GBF1: variants seen among roughly 807,000 people sequenced by gnomAD.
GBF1 encodes the protein Golgi-specific brefeldin A-resistance guanine nucleotide exchange factor 1.
A neutral mutation model predicts 210.5 loss-of-function variants in GBF1; 114 were observed. The ratio of observed to expected loss-of-function variants is 0.54; its 90% CI spans 0.47 to 0.63. GBF1 has a LOEUF of 0.63. Ranked by LOEUF, GBF1 falls within the 30% of genes least tolerant of loss-of-function variation. GBF1 has a pLI of 0.00. For missense variants in GBF1, 1,851 were observed against 2,357.7 expected (o/e 0.79, Z 4.45); for synonymous variants, 850 against 889.2 (o/e 0.96, Z 0.78).
At chr10:102,278,086 A>G (rs1257055178) in intron 3 of GBF1, among the ~76,000 whole-genome samples, 2 of 151,966 alleles carry the variant, frequency 1.3e-5, no homozygotes, top group East Asian at 3.9e-4. Flanking sequence ...GTGAGAACTC[A>G]TTGCTTCAAA....
chr10:102,324,930 A>G (rs1053664184), intron 3 of GBF1, among the ~76,000 whole-genome samples: 1 of 152,110 alleles, frequency 6.6e-6, no homozygotes, highest in Non-Finnish European at 1.5e-5. Context: ...AAATAATATA[A>G]AAACTTGCCT....
At chr10:102,326,089 C>T (rs1020222664) in intron 3 of GBF1, among the ~76,000 whole-genome samples, 2 of 152,164 alleles carry the variant, frequency 1.3e-5, no homozygotes, top group African/African-American at 4.8e-5. Flanking sequence ...GTAGTGGCAG[C>T]TCTGGAACTA....
At chr10:102,372,617 A>G (rs918422438) in intron 29 of GBF1, among the ~76,000 whole-genome samples, 1 of 152,250 alleles carries the variant, frequency 6.6e-6, no homozygotes, top group East Asian at 1.9e-4. Flanking sequence ...AAATAAGCTC[A>G]ACACAAATAT....
intron 8 of GBF1, among the ~76,000 whole-genome samples, chr10:102,357,213 G>T (rs1401957218): frequency 6.6e-6 from 1 of 152,038 alleles, no homozygotes; most frequent in Non-Finnish European, 1.5e-5. Context: ...TTAGCTGGGT[G>T]CAGTGGCTCA....
chr10:102,310,419 G>A (rs942272104), intron 3 of GBF1, among the ~76,000 whole-genome samples: 1 of 152,126 alleles, frequency 6.6e-6, no homozygotes, highest in Non-Finnish European at 1.5e-5. Flanking sequence ...GGTCTGCTAC[G>A]CCTGTATTAG....
chr10:102,320,448 A>C (rs2056294000), intron 3 of GBF1, among the ~76,000 whole-genome samples: 1 of 152,156 alleles, frequency 6.6e-6, no homozygotes, highest in African/African-American at 2.4e-5. Context: ...GATTTTGGGA[A>C]ATGATCTTAT....
chr10:102,278,832 G>T (rs2075234515), intron 3 of GBF1, among the ~76,000 whole-genome samples: 1 of 152,150 alleles, frequency 6.6e-6, no homozygotes, highest in Admixed American at 6.5e-5. Context: ...CCTTCTCAGG[G>T]TATCACAACT....
intron 9 of GBF1, 29 bp downstream of exon 9, chr10:102,358,215 T>C: frequency 6.3e-7 from 1 of 1,591,886 alleles, no homozygotes; most frequent in Non-Finnish European, 8.6e-7. Context: ...TTCCTCTGAT[T>C]AGACAAAAGA....
chr10:102,341,900 G>T lies in GBF1; in HGVS notation c.164-2151G>T, dbSNP rs550878726. ...ATCACAGAAAATCTGTACCTGTCCCGATTCTCAAAGATTTTTTTCCTCTAG... is the reference window on the plus strand; with the variant it reads ...ATCACAGAAAATCTGTACCTGTCCCTATTCTCAAAGATTTTTTTCCTCTAG... On this transcript the variant is annotated intron_variant, in intron 3 of 39. Transcript: ENST00000369983. Among the ~76,000 whole-genome samples, 3 of 152,074 alleles carry T rather than the reference G, an allele frequency of 2.0e-5. No homozygotes were observed. In the South Asian group the frequency reaches 6.2e-4, roughly 32 times the overall value.
chr10:102,381,006 G>A, intron 38 of GBF1, 121 bp from the exon 39 acceptor site: 4 of 910,622 alleles, frequency 4.4e-6, no homozygotes, highest in East Asian at 5.0e-5. Flanking sequence ...AAAAAAAAAA[G>A]TCCCCAAAGC....
At chr10:102,342,393 A>ACG in intron 3 of GBF1, among the ~76,000 whole-genome samples, 1 of 151,430 alleles carries the variant, frequency 6.6e-6, no homozygotes. Context: ...ACACACGCAC[A>ACG]CACACACACA....
intron 30 of GBF1, 81 bp from the exon 31 acceptor site, chr10:102,376,190 CT>C: frequency 8.9e-7 from 1 of 1,119,166 alleles, no homozygotes; most frequent in Non-Finnish European, 1.3e-6. Flanking sequence ...GCCTCAGCAT[CT>C]TTTTTCTGAG....
Position 102,379,505 on chromosome 10 carries a change from C to G in GBF1, c.4646-16C>G, listed in dbSNP as rs1422642147. 11 of 1,614,008 alleles carry G rather than the reference C, an allele frequency of 6.8e-6. No homozygotes were observed. Among genetic ancestry groups the G allele is most frequent in the Non-Finnish European group, 8.5e-6 (10 of 1,180,022 alleles). On this transcript the variant is annotated splice_polypyrimidine_tract_variant and intron_variant, in intron 34 of 39. Coordinates refer to ENST00000369983, the MANE Select transcript of GBF1 (RefSeq NM_001377137.1). The stretch of plus-strand genomic sequence containing the variant: ...TCAAGATGCCTGAAGGATCCTGACC[C>G]TGCTCTTGCTCTCAGGTATTGCCTG...
intron 3 of GBF1, among the ~76,000 whole-genome samples, chr10:102,288,480 G>C (rs181319206): frequency 0.024 from 3,624 of 152,128 alleles, 134 homozygotes; most frequent in African/African-American, 0.083. Flanking sequence ...GGGAGGCCGA[G>C]GCGGGCGGAT....
At chr10:102,256,627 C>G (rs186634543) in intron 1 of GBF1, among the ~76,000 whole-genome samples, 4 of 150,878 alleles carry the variant, frequency 2.7e-5, no homozygotes, top group Non-Finnish European at 5.9e-5. Context: ...TCCAGCGATT[C>G]TTCTGCCTCA....
chr10:102,246,262 G>A (rs138818789), intron 1 of GBF1, among the ~76,000 whole-genome samples: 105 of 152,272 alleles, frequency 6.9e-4, no homozygotes, highest in African/African-American at 2.3e-3. Flanking sequence ...ATGAACTAGT[G>A]CACCCTAGAA....
Position 102,288,254 on chromosome 10 carries a change from T to G in GBF1, c.163+28138T>G, listed in dbSNP as rs77553730. Reference sequence around the variant, plus strand: ...GGTTTCTCCACCTATTTACTACTGATCCTCTAAAATTTGGTGCAAATGAAC... The same window carrying G: ...GGTTTCTCCACCTATTTACTACTGAGCCTCTAAAATTTGGTGCAAATGAAC... On this transcript the variant is annotated intron_variant, in intron 3 of 39. Transcript: ENST00000369983. Among the ~76,000 whole-genome samples, 523 of 152,298 alleles carry G rather than the reference T, an allele frequency of 3.4e-3. 1 individual carries two copies. The highest frequency in any genetic ancestry group is 0.012 in the African/African-American group (492 of 41,554).
intron 8 of GBF1, 104 bp downstream of exon 8, chr10:102,353,758 C>A: frequency 1.3e-6 from 1 of 789,054 alleles, no homozygotes; most frequent in Non-Finnish European, 2.2e-6. Context: ...TTTGCCTAAA[C>A]AGGTCTGCTT....
rs998178530 is a variant in GBF1, at chr10:102,329,612, C to T, written c.164-14439C>T. The stretch of plus-strand genomic sequence containing the variant: ...CTGAGTAGCTGGGACTACAGGTGCC[C>T]GCCACCACACCCGGCTAATTTTTTG... On this transcript the variant is annotated intron_variant, in intron 3 of 39. Coordinates refer to ENST00000369983, the MANE Select transcript of GBF1 (RefSeq NM_001377137.1). Among the ~76,000 whole-genome samples the T allele has an allele frequency of 1.5e-4, 22 of 151,690 alleles. No homozygotes were observed. In the South Asian group the frequency reaches 2.1e-3, roughly 14 times the overall value.
Sources: gnomAD v4.1 joint callset for allele counts (sites outside exome capture counted in the v4.1 genomes callset) on GRCh38, gnomAD v4.1.1 for gene constraint, MANE v1.5 for transcripts, NCBI Gene and HGNC (gene_info 2026-07-23, HGNC 2026-07-21) for gene names.